Variants in CNTN6 observed in about 807,000 individuals in gnomAD.
CNTN6 encodes contactin 6, also known as contactin-6.
Under a neutral mutation model 122.8 loss-of-function variants are expected in CNTN6, and 137 were observed. The observed-to-expected ratio is 1.12, with a 90% CI of 0.97 to 1.29. The LOEUF is 1.29. CNTN6 is among the 50% of genes most tolerant of loss of function. The probability of loss-of-function intolerance (pLI) is 0.00; values close to 1 mark genes in which losing one functional copy is unlikely to be tolerated. For missense variants in CNTN6, 1,634 were observed against 1,223.4 expected (o/e 1.34, Z -5.01); for synonymous variants, 570 against 426.0 (o/e 1.34, Z -4.16).
At chr3:1,159,660 T>G (rs116687374) in intron 2 of CNTN6, among the ~76,000 whole-genome samples, 1 of 151,930 alleles carries the variant, frequency 6.6e-6, no homozygotes, top group Admixed American at 6.6e-5. Context: ...ATTTATCTAG[T>G]ATAAATTGAC....
rs1385794063 is a variant in CNTN6, at chr3:1,392,385, C to T, written c.2704+6588C>T. On this transcript the variant is annotated intron_variant, in intron 20 of 22. Coordinates refer to ENST00000446702, the MANE Select transcript of CNTN6 (RefSeq NM_001289080.2). ...AAGCTGAAACTGGATCCCTTCCTTA[C>T]ACCTTATACAAAAATCAATTCAAGA... 4.6e-5 allele frequency among the ~76,000 whole-genome samples: 7 copies of T among 152,162 alleles called. No homozygotes were observed. In the East Asian group the frequency reaches 7.7e-4, roughly 17 times the overall value.
At chr3:1,318,733 T>C (rs1256366089) in intron 7 of CNTN6, among the ~76,000 whole-genome samples, 1 of 151,828 alleles carries the variant, frequency 6.6e-6, no homozygotes, top group African/African-American at 2.4e-5. Flanking sequence ...GGAGAAGTTA[T>C]ACCCTAGAAG....
intron 1 of CNTN6, among the ~76,000 whole-genome samples, chr3:1,127,899 G>A (rs1402156527): frequency 6.6e-6 from 1 of 151,758 alleles, no homozygotes; most frequent in Non-Finnish European, 1.5e-5. Context: ...ATTGTTCAAG[G>A]GGAACAGAAG....
intron 20 of CNTN6, among the ~76,000 whole-genome samples, chr3:1,400,832 C>G (rs1429775735): frequency 1.3e-5 from 2 of 152,062 alleles, no homozygotes; most frequent in Non-Finnish European, 2.9e-5. Context: ...ATACAGCAGA[C>G]CCTGCTTCAA....
intron 11 of CNTN6, among the ~76,000 whole-genome samples, chr3:1,341,833 A>G (rs1324322257): frequency 6.6e-6 from 1 of 152,164 alleles, no homozygotes; most frequent in African/African-American, 2.4e-5. Flanking sequence ...ACTAGTTGTA[A>G]ATACAATTAC....
At chr3:1,330,738 T>A (rs1370870204) in intron 11 of CNTN6, among the ~76,000 whole-genome samples, 1 of 151,872 alleles carries the variant, frequency 6.6e-6, no homozygotes, top group Non-Finnish European at 1.5e-5. Context: ...CTTATATGCA[T>A]ACCAGGATGG....
intron 4 of CNTN6, among the ~76,000 whole-genome samples, chr3:1,253,683 C>T (rs2094707181): frequency 6.6e-6 from 1 of 152,084 alleles, no homozygotes; most frequent in South Asian, 2.1e-4. Flanking sequence ...CCCTCGTATG[C>T]GCAGTTCACA....
intron 12 of CNTN6, among the ~76,000 whole-genome samples, chr3:1,356,882 G>T (rs1052268018): frequency 6.6e-6 from 1 of 151,836 alleles, no homozygotes; most frequent in African/African-American, 2.4e-5. Context: ...TGAAAGTGAT[G>T]CTGCGTGAAT....
chr3:1,165,794 C>CA (rs1398767809), intron 2 of CNTN6, among the ~76,000 whole-genome samples: 3 of 152,168 alleles, frequency 2.0e-5, no homozygotes, highest in Non-Finnish European at 4.4e-5. Flanking sequence ...AGGTCAGTAA[C>CA]AGAAGTTGTA....
chr3:1,374,916 C>T (rs2126148681), intron 16 of CNTN6, among the ~76,000 whole-genome samples: 1 of 152,162 alleles, frequency 6.6e-6, no homozygotes, highest in East Asian at 1.9e-4. Context: ...GTGATATCAT[C>T]CAATTAAATC....
chr3:1,385,643 C>T lies in CNTN6; in HGVS notation c.2550C>T (p.Ser850=), dbSNP rs899431746. The change falls in exon 20 of 23, where the codon TCC becomes TCT. Residue 850 remains serine, a synonymous_variant. Transcript: ENST00000446702. ...ACTGGACAGATGACTCCAAAGAATCCATGATAGGTAAAATTAGAGTCAGTG... is the reference window on the plus strand; with the variant it reads ...ACTGGACAGATGACTCCAAAGAATCTATGATAGGTAAAATTAGAGTCAGTG... ...VLYWTDDSKE[S]MIGKIRVSGN... is the part of the protein sequence containing the mutation. 12 of 1,613,838 alleles carry T rather than the reference C, an allele frequency of 7.4e-6. No individual in the cohort carries two copies. The highest frequency in any genetic ancestry group is 7.6e-6 in the Non-Finnish European group (9 of 1,179,828).
At chr3:1,253,000 C>T (rs1227911680) in intron 4 of CNTN6, among the ~76,000 whole-genome samples, 1 of 152,190 alleles carries the variant, frequency 6.6e-6, no homozygotes, top group Non-Finnish European at 1.5e-5. Flanking sequence ...TCTGCATTTT[C>T]TTCCTCTGAA....
chr3:1,179,173 A>T (rs1259587595), intron 2 of CNTN6, among the ~76,000 whole-genome samples: 2 of 151,958 alleles, frequency 1.3e-5, no homozygotes, highest in African/African-American at 4.8e-5. Context: ...TCTTGCATAA[A>T]CTCATTGAGT....
intron 20 of CNTN6, among the ~76,000 whole-genome samples, chr3:1,386,474 T>G (rs1256478341): frequency 6.6e-6 from 1 of 152,138 alleles, no homozygotes; most frequent in Non-Finnish European, 1.5e-5. Context: ...AAGATGAATG[T>G]TTTTCATCTT....
intron 5 of CNTN6, among the ~76,000 whole-genome samples, chr3:1,290,558 C>T (rs921661420): frequency 2.6e-5 from 4 of 152,202 alleles, no homozygotes; most frequent in African/African-American, 9.6e-5. Context: ...TGAGAGGGTT[C>T]TTGGATCTTG....
At chr3:1,308,918 T>C (rs1483336189) in intron 7 of CNTN6, among the ~76,000 whole-genome samples, 1 of 152,228 alleles carries the variant, frequency 6.6e-6, no homozygotes, top group East Asian at 1.9e-4. Flanking sequence ...GATTATTTGC[T>C]ATCTATTTAT....
chr3:1,214,785 C>A (rs1303215631), intron 2 of CNTN6, among the ~76,000 whole-genome samples: 1 of 152,094 alleles, frequency 6.6e-6, no homozygotes, highest in Non-Finnish European at 1.5e-5. Flanking sequence ...GTGATGGGGT[C>A]TTGCTCTATC....
intron 20 of CNTN6, among the ~76,000 whole-genome samples, chr3:1,393,582 T>G (rs1553716048): frequency 1.2e-4 from 18 of 150,744 alleles, no homozygotes; most frequent in Non-Finnish European, 4.4e-5. Context: ...AAAGAAACTC[T>G]TGTGTGTAAT....
intron 2 of CNTN6, among the ~76,000 whole-genome samples, chr3:1,183,187 T>C (rs2093582153): frequency 6.6e-6 from 1 of 152,020 alleles, no homozygotes; most frequent in Admixed American, 6.6e-5. Context: ...TTCAAAGAAA[T>C]AGTATTCATT....
Sources: allele counts gnomAD v4.1 joint callset (sites outside exome capture counted in the v4.1 genomes callset), GRCh38; gene constraint gnomAD v4.1.1; transcripts MANE v1.5; gene names NCBI Gene and HGNC (gene_info 2026-07-23, HGNC 2026-07-21).